DIAPH3: variants seen among roughly 807,000 people sequenced by gnomAD.
DIAPH3 encodes the protein protein diaphanous homolog 3.
DIAPH3 carries 117 observed loss-of-function variants against 144.3 expected under a neutral mutation model. The ratio of observed to expected loss-of-function variants is 0.81; its 90% CI spans 0.70 to 0.95. DIAPH3 has a LOEUF of 0.95. Ranked by LOEUF, DIAPH3 falls within the 40% of genes least tolerant of loss-of-function variation. The probability of loss-of-function intolerance (pLI) is 0.00; values close to 1 mark genes in which losing one functional copy is unlikely to be tolerated. For synonymous variants in DIAPH3, 519 were observed against 488.9 expected, an observed-to-expected ratio of 1.06 and a Z score of -0.81; for missense variants, 1,421 against 1,412.7, an observed-to-expected ratio of 1.01 and a Z score of -0.09.
chr13:59,708,056 T>C (rs916393719), intron 27 of DIAPH3, among the ~76,000 whole-genome samples: 4 of 151,990 alleles, frequency 2.6e-5, no homozygotes, highest in African/African-American at 9.7e-5. Flanking sequence ...ATTTCTTTCC[T>C]TCCTTTCATT....
intron 22 of DIAPH3, among the ~76,000 whole-genome samples, chr13:59,856,917 G>A (rs905877038): frequency 6.7e-6 from 1 of 149,904 alleles, no homozygotes; most frequent in Non-Finnish European, 1.5e-5. Flanking sequence ...AAAAAAAAGT[G>A]TCTTTTCATA....
At chr13:59,922,796 TA>T (rs1434072609) in intron 18 of DIAPH3, among the ~76,000 whole-genome samples, 1 of 152,140 alleles carries the variant, frequency 6.6e-6, no homozygotes, top group Non-Finnish European at 1.5e-5. Context: ...ATTAAATGAA[TA>T]GGATATATAT....
chr13:60,013,112 T>C, intron 7 of DIAPH3: 1 of 985,244 alleles, frequency 1.0e-6, no homozygotes, highest in Non-Finnish European at 1.2e-6. Context: ...TGACAAATTT[T>C]GAAAGGTCTA....
In DIAPH3 at chr13:59,666,590, A is replaced by C. The variant is rs1314358734; in HGVS notation, c.3576T>G (p.Ala1192=). Residue 1192 remains alanine (A), a synonymous_variant, in exon 28 of 28, where the codon GCT becomes GCG. Coordinates refer to ENST00000400324, the MANE Select transcript of DIAPH3 (RefSeq NM_001042517.2). The part of the protein sequence containing the change: ...EVEALLARLR[A]L ...TTTTAAAAACCAGTTTAACTTATAAAGCTCGTAATCTTGCCAGCAGGGCTT... is the reference window on the plus strand; with the variant it reads ...TTTTAAAAACCAGTTTAACTTATAACGCTCGTAATCTTGCCAGCAGGGCTT... 2 of 1,614,098 alleles carry C rather than the reference A, an allele frequency of 1.2e-6. No homozygotes were observed. The highest frequency in any genetic ancestry group is 1.3e-5 in the African/African-American group (1 of 75,044).
At chr13:59,917,375 C>T (rs2047269605) in intron 18 of DIAPH3, among the ~76,000 whole-genome samples, 1 of 152,164 alleles carries the variant, frequency 6.6e-6, no homozygotes, top group South Asian at 2.1e-4. Context: ...ACTCAGGAAA[C>T]AGGATCTACT....
At chr13:59,880,656 A>G (rs527334879) in intron 20 of DIAPH3, among the ~76,000 whole-genome samples, 1 of 152,236 alleles carries the variant, frequency 6.6e-6, no homozygotes, top group Admixed American at 6.5e-5. Flanking sequence ...TAATGACTAA[A>G]CATAACTCAG....
intron 20 of DIAPH3, among the ~76,000 whole-genome samples, chr13:59,889,166 C>A (rs1468217473): frequency 6.6e-6 from 1 of 151,976 alleles, no homozygotes; most frequent in East Asian, 1.9e-4. Context: ...CTGAATGAGA[C>A]TTTTTTGTCC....
chr13:59,827,932 A>T (rs1469504772), intron 24 of DIAPH3, among the ~76,000 whole-genome samples: 2 of 152,038 alleles, frequency 1.3e-5, no homozygotes, highest in East Asian at 3.8e-4. Flanking sequence ...CCATGAGCTC[A>T]ATTAATCCTG....
chr13:59,698,374 T>G (rs1279381435), intron 27 of DIAPH3, among the ~76,000 whole-genome samples: 1 of 152,164 alleles, frequency 6.6e-6, no homozygotes, highest in African/African-American at 2.4e-5. Flanking sequence ...GATGTCTTTT[T>G]AGTGAGGTAA....
At chr13:60,142,019 G>A (rs1191384798) in intron 1 of DIAPH3, among the ~76,000 whole-genome samples, 1 of 152,204 alleles carries the variant, frequency 6.6e-6, no homozygotes, top group Non-Finnish European at 1.5e-5. Flanking sequence ...TATGCCTGAT[G>A]TTCAAGAAAC....
chr13:59,953,657 T>C (rs73545343), intron 17 of DIAPH3, among the ~76,000 whole-genome samples: 232 of 152,286 alleles, frequency 1.5e-3, no homozygotes, highest in African/African-American at 5.4e-3. Context: ...CCAATGTTAC[T>C]GGAGTAAACG....
intron 27 of DIAPH3, among the ~76,000 whole-genome samples, chr13:59,773,339 C>T (rs1466939327): frequency 6.6e-6 from 1 of 152,124 alleles, no homozygotes; most frequent in Non-Finnish European, 1.5e-5. Flanking sequence ...TAGAAATTGG[C>T]ACAGGTTTTT....
intron 4 of DIAPH3, among the ~76,000 whole-genome samples, chr13:60,088,566 G>C (rs573296899): frequency 6.6e-6 from 1 of 152,212 alleles, no homozygotes; most frequent in African/African-American, 2.4e-5. Context: ...AAAGTAGAAC[G>C]GCAAATAGAA....
chr13:60,112,052 T>C lies in DIAPH3; in HGVS notation c.348A>G (p.Pro116=), dbSNP rs777540537. The C allele has an allele frequency of 1.2e-6, 2 of 1,614,098 alleles. No homozygotes were observed. The highest frequency in any genetic ancestry group is 1.7e-5 in the Admixed American group (1 of 60,024). ...PLEMMENFPK[P]LSENELLELF... The stretch of plus-strand genomic sequence containing the variant: ...GTTCTAAGAGTTCATTCTCTGACAG[T>C]GGCTTTGGAAAGTTCTCCATCATCT... The change falls in exon 3 of 28, where the codon CCA becomes CCG. Residue 116 remains proline, a synonymous_variant. Transcript: ENST00000400324.
At chr13:59,845,980 TG>T (rs1255782672) in intron 22 of DIAPH3, among the ~76,000 whole-genome samples, 1 of 152,050 alleles carries the variant, frequency 6.6e-6, no homozygotes, top group Non-Finnish European at 1.5e-5. Context: ...GCGTTAAAAA[TG>T]AAACAGGAAA....
chr13:60,126,480 C>G (rs1487504554), intron 2 of DIAPH3, among the ~76,000 whole-genome samples: 5 of 152,048 alleles, frequency 3.3e-5, no homozygotes, highest in Non-Finnish European at 5.9e-5. Context: ...AAGCAAAAAC[C>G]AATCGAACGG....
chr13:59,707,388 G>T (rs2034490033), intron 27 of DIAPH3, among the ~76,000 whole-genome samples: 1 of 152,146 alleles, frequency 6.6e-6, no homozygotes, highest in African/African-American at 2.4e-5. Flanking sequence ...GGTTTCTCAA[G>T]TTAAATGTGA....
Position 59,816,527 on chromosome 13 carries a change from T to G in DIAPH3, c.3028-5604A>C, listed in dbSNP as rs564252063. 2.0e-5 allele frequency among the ~76,000 whole-genome samples: 3 copies of G among 151,796 alleles called. No individual in the cohort carries two copies. The East Asian group carries it at 5.8e-4, about 29-fold the overall frequency. On this transcript the variant is annotated intron_variant, in intron 24 of 27. Coordinates refer to ENST00000400324, the MANE Select transcript of DIAPH3 (RefSeq NM_001042517.2). Reference sequence around the variant, plus strand: ...AATATTATTTATCTTCTCTTTTTCTTGATTAATCTTTTTAGCAATATATCT... The same window carrying G: ...AATATTATTTATCTTCTCTTTTTCTGGATTAATCTTTTTAGCAATATATCT...
chr13:60,108,366 T>C (rs1594687316), intron 3 of DIAPH3, among the ~76,000 whole-genome samples: 1 of 152,106 alleles, frequency 6.6e-6, no homozygotes, highest in Non-Finnish European at 1.5e-5. Flanking sequence ...CCCAGCACTT[T>C]GGGAGGCTGA....
Sources: gnomAD v4.1 joint callset for allele counts (sites outside exome capture counted in the v4.1 genomes callset) on GRCh38, gnomAD v4.1.1 for gene constraint, MANE v1.5 for transcripts, NCBI Gene and HGNC (gene_info 2026-07-23, HGNC 2026-07-21) for gene names.